ATP9B: variants seen among roughly 807,000 people sequenced by gnomAD.
The protein encoded by ATP9B is probable phospholipid-transporting ATPase IIB.
Under a neutral mutation model 146.1 loss-of-function variants are expected in ATP9B, and 110 were observed. The observed-to-expected ratio is 0.75, with a 90% confidence interval of 0.65 to 0.88. The LOEUF (loss-of-function observed/expected upper bound fraction) is 0.88. ATP9B is among the 40% of genes least tolerant of loss of function. ATP9B has a pLI of 0.00. For missense variants in ATP9B, 1,499 were observed against 1,496.4 expected, an observed-to-expected ratio of 1.00 and a Z score of -0.03; for synonymous variants, 604 against 569.7, an observed-to-expected ratio of 1.06 and a Z score of -0.86.
At chr18:79,268,455 T>G (rs555891611) in intron 12 of ATP9B, among the ~76,000 whole-genome samples, 14 of 152,222 alleles carry the variant, frequency 9.2e-5, no homozygotes, top group Non-Finnish European at 1.6e-4. Context: ...ATTATTTTTT[T>G]GTAATGCAAC....
chr18:79,196,617 C>T (rs923464257), intron 9 of ATP9B, among the ~76,000 whole-genome samples: 7 of 152,052 alleles, frequency 4.6e-5, no homozygotes, highest in Non-Finnish European at 1.0e-4. Context: ...TGGTAGTGAC[C>T]AGAAAATACA....
chr18:79,263,646 C>G (rs2096169055), intron 12 of ATP9B, among the ~76,000 whole-genome samples: 1 of 152,210 alleles, frequency 6.6e-6, no homozygotes, highest in Non-Finnish European at 1.5e-5. Flanking sequence ...TTGTCATTCT[C>G]TTGCATGAGC....
intron 1 of ATP9B, among the ~76,000 whole-genome samples, chr18:79,075,721 G>A (rs1249335926): frequency 1.3e-5 from 2 of 152,048 alleles, no homozygotes; most frequent in Non-Finnish European, 2.9e-5. Context: ...GTTGTCATAC[G>A]GTTGGTTCTT....
rs145320859 is a variant in ATP9B at position 79,247,954 on chromosome 18, T to C, written c.1108-5427T>C. On this transcript the variant is annotated intron_variant, in intron 11 of 29. Coordinates refer to ENST00000426216, the MANE Select transcript of ATP9B (RefSeq NM_198531.5). ...AAATTGTCTATTGTGTAAATACAGG[T>C]TTTGATTTTTAAGAACTAAGGTGAT... 5.4e-3 allele frequency among the ~76,000 whole-genome samples: 824 copies of C among 152,230 alleles called. 2 individuals are homozygous for C. Among genetic ancestry groups the C allele is most frequent in the African/African-American group, 0.018 (765 of 41,534 alleles).
chr18:79,370,272 T>A (rs2097061249), intron 26 of ATP9B, among the ~76,000 whole-genome samples: 1 of 152,240 alleles, frequency 6.6e-6, no homozygotes, highest in African/African-American at 2.4e-5. Flanking sequence ...TGGCTCATTT[T>A]ATTTCATGCA....
chr18:79,262,259 A>T (rs1204095274), intron 12 of ATP9B, among the ~76,000 whole-genome samples: 3 of 151,890 alleles, frequency 2.0e-5, no homozygotes, highest in African/African-American at 7.3e-5. Flanking sequence ...TTTGTTTAGA[A>T]TTTTTTTTAA....
intron 15 of ATP9B, among the ~76,000 whole-genome samples, chr18:79,320,796 C>T (rs146598477): frequency 2.6e-4 from 26 of 98,862 alleles, no homozygotes; most frequent in Non-Finnish European, 4.7e-4. Flanking sequence ...TAGGAAACTC[C>T]GGGATGCTGT....
At chr18:79,267,552 T>TA (rs2096215529) in intron 12 of ATP9B, among the ~76,000 whole-genome samples, 1 of 152,146 alleles carries the variant, frequency 6.6e-6, no homozygotes, top group South Asian at 2.1e-4. Context: ...ATATGTAGTA[T>TA]TTTTGTTATT....
chr18:79,280,813 A>G (rs1232669308), intron 13 of ATP9B, among the ~76,000 whole-genome samples: 1 of 152,070 alleles, frequency 6.6e-6, no homozygotes, highest in Admixed American at 6.6e-5. Context: ...GTTAGAAGTT[A>G]ATAACAAAGA....
At chr18:79,131,153 T>TC (rs1356282198) in intron 5 of ATP9B, among the ~76,000 whole-genome samples, 4 of 151,662 alleles carry the variant, frequency 2.6e-5, no homozygotes, top group Non-Finnish European at 5.9e-5. Context: ...AGAGCAAGAC[T>TC]CCGTCTCAAA....
At chr18:79,186,426 A>C (rs1450174296) in intron 8 of ATP9B, among the ~76,000 whole-genome samples, 1 of 152,150 alleles carries the variant, frequency 6.6e-6, no homozygotes, top group South Asian at 2.1e-4. Flanking sequence ...TTTGATGTCT[A>C]CTATACTAGA....
At chr18:79,069,823 C>T (rs1303261562) in intron 1 of ATP9B, among the ~76,000 whole-genome samples, 6 of 152,334 alleles carry the variant, frequency 3.9e-5, no homozygotes, top group East Asian at 1.9e-4. Flanking sequence ...TGGCTGCTCT[C>T]CTAAAGTAAA....
At chr18:79,263,648 T>C (rs1012521415) in intron 12 of ATP9B, among the ~76,000 whole-genome samples, 6 of 152,250 alleles carry the variant, frequency 3.9e-5, no homozygotes, top group Admixed American at 2.0e-4. Flanking sequence ...GTCATTCTCT[T>C]GCATGAGCAC....
At chr18:79,262,079 TC>T (rs1290384419) in intron 12 of ATP9B, among the ~76,000 whole-genome samples, 1 of 152,054 alleles carries the variant, frequency 6.6e-6, no homozygotes, top group Non-Finnish European at 1.5e-5. Flanking sequence ...GCCCTGCAGC[TC>T]AGTCCTCAGC....
chr18:79,207,569 C>T (rs1007979482), intron 10 of ATP9B, among the ~76,000 whole-genome samples: 2 of 152,142 alleles, frequency 1.3e-5, no homozygotes, highest in Non-Finnish European at 2.9e-5. Flanking sequence ...AGGTTGATGC[C>T]AGGGAGGAAG....
At chr18:79,296,205 C>T (rs746951762) in intron 13 of ATP9B, among the ~76,000 whole-genome samples, 1 of 152,086 alleles carries the variant, frequency 6.6e-6, no homozygotes, top group Non-Finnish European at 1.5e-5. Flanking sequence ...TGATAGAGAT[C>T]GAGTCTCACC....
At chr18:79,278,248 G>A (rs1349912409) in intron 13 of ATP9B, among the ~76,000 whole-genome samples, 2 of 152,206 alleles carry the variant, frequency 1.3e-5, no homozygotes, top group Admixed American at 1.3e-4. Flanking sequence ...CAGACGGTCC[G>A]CAGCTTCATA....
chr18:79,099,858 G>A (rs191055563), intron 2 of ATP9B, among the ~76,000 whole-genome samples: 1,769 of 152,214 alleles, frequency 0.012, 13 homozygotes, highest in Middle Eastern at 0.044. Context: ...CAGGTGCAGT[G>A]GCTCACGCCT....
At chr18:79,296,555 T>C (rs1400555830) in intron 13 of ATP9B, among the ~76,000 whole-genome samples, 7 of 152,196 alleles carry the variant, frequency 4.6e-5, no homozygotes, top group African/African-American at 1.7e-4. Context: ...GAACTAAATA[T>C]AGAAGGTATC....
Sources: allele counts gnomAD v4.1 joint callset (sites outside exome capture counted in the v4.1 genomes callset), GRCh38; gene constraint gnomAD v4.1.1; transcripts MANE v1.5; gene names NCBI Gene and HGNC (gene_info 2026-07-23, HGNC 2026-07-21).